PLA2G5: variants seen among roughly 807,000 people sequenced by gnomAD.
PLA2G5 encodes Ca2+-dependent phospholipase A2.
In PLA2G5, 12 loss-of-function variants were observed where a neutral mutation model predicts 15.9. The observed-to-expected ratio is 0.76, with a 90% confidence interval of 0.48 to 1.23. The LOEUF is 1.23. Among genes scored for constraint, PLA2G5 ranks in the 50% most tolerant of loss-of-function variants. PLA2G5 has a pLI of 0.00. For synonymous variants in PLA2G5, 71 were observed against 71.4 expected, an observed-to-expected ratio of 0.99 and a Z score of 0.03; for missense variants, 169 against 177.1, an observed-to-expected ratio of 0.95 and a Z score of 0.26.
chr1:20,074,890 C>G (rs948301015), intron 1 of PLA2G5, among the ~76,000 whole-genome samples: 1 of 152,246 alleles, frequency 6.6e-6, no homozygotes, highest in Non-Finnish European at 1.5e-5. Context: ...CCCCCAGCCA[C>G]TTTCCAAACC....
intron 1 of PLA2G5, among the ~76,000 whole-genome samples, chr1:20,082,936 C>G (rs2016105367): frequency 6.6e-6 from 1 of 151,994 alleles, no homozygotes; most frequent in South Asian, 2.1e-4. Flanking sequence ...ATTTCCTTAT[C>G]TGTAAAATCA....
chr1:20,073,619 A>C (rs901303693), intron 1 of PLA2G5, among the ~76,000 whole-genome samples: 1 of 152,150 alleles, frequency 6.6e-6, no homozygotes, highest in African/African-American at 2.4e-5. Flanking sequence ...GCGGTGGCTG[A>C]CACCTGTGAC....
chr1:20,070,500 T>G (rs2015306097), intron 1 of PLA2G5, 35 bp downstream of exon 1: 2 of 980,508 alleles, frequency 2.0e-6, no homozygotes, highest in South Asian at 4.8e-5. Flanking sequence ...AAATTGGGGG[T>G]TGTGGAGGGA....
chr1:20,059,184 G>T (rs905012979), intron 1 of PLA2G5, among the ~76,000 whole-genome samples: 2 of 149,756 alleles, frequency 1.3e-5, no homozygotes, highest in African/African-American at 4.9e-5. Context: ...TATAATCCCA[G>T]CACTTTGAGA....
chr1:20,044,825 G>A (rs1184402772), intron 1 of PLA2G5, among the ~76,000 whole-genome samples: 1 of 152,068 alleles, frequency 6.6e-6, no homozygotes, highest in Non-Finnish European at 1.5e-5. Flanking sequence ...AGTCTAGGGA[G>A]GAGGGGAGAG....
chr1:20,062,993 C>A (rs567273656), intron 2 of PLA2G5, among the ~76,000 whole-genome samples: 1 of 152,052 alleles, frequency 6.6e-6, no homozygotes, highest in African/African-American at 2.4e-5. Context: ...GATCCATGGA[C>A]GTGGGGAAGC....
intron 1 of PLA2G5, among the ~76,000 whole-genome samples, chr1:20,047,171 A>T (rs35544634): frequency 6.6e-6 from 1 of 152,140 alleles, no homozygotes; most frequent in Non-Finnish European, 1.5e-5. Context: ...AACTCATATA[A>T]GGGCTGATTG....
At chr1:20,080,888 G>C (rs779649225) in intron 1 of PLA2G5, among the ~76,000 whole-genome samples, 5 of 151,874 alleles carry the variant, frequency 3.3e-5, no homozygotes, top group African/African-American at 1.2e-4. Flanking sequence ...GGAGACACCT[G>C]GCCCCCTTGG....
chr1:20,089,762 C>A, intron 3 of PLA2G5, 27 bp from the exon 4 acceptor site: 6 of 1,594,338 alleles, frequency 3.8e-6, no homozygotes, highest in South Asian at 1.1e-5. Flanking sequence ...CCCTCCCACT[C>A]GGGATCTAAG....
At position 20,091,598 on chromosome 1, in the gene PLA2G5, T is replaced by A. The variant is rs1341699706; in HGVS notation, c.*906T>A. Among the ~76,000 whole-genome samples, 2 of 152,178 alleles carry A rather than the reference T, an allele frequency of 1.3e-5. No individual in the cohort carries two copies. Among genetic ancestry groups the A allele is most frequent in the African/African-American group, 2.4e-5 (1 of 41,442 alleles). On this transcript the variant is annotated 3_prime_UTR_variant, in exon 5 of 5. Transcript: ENST00000375108. ...ACCTTGATGCTGATATGGAGAATGC[T>A]GAGGTTCTAGGATTTCACACAGCAG...
chr1:20,075,871 T>A (rs1273261220), intron 1 of PLA2G5, among the ~76,000 whole-genome samples: 1 of 72,012 alleles, frequency 1.4e-5, no homozygotes, highest in Non-Finnish European at 4.2e-5. Flanking sequence ...TCTTTCTCTT[T>A]TTTTTTTTTT....
At chr1:20,069,094 G>C, upstream of PLA2G5, 1 of 467,466 alleles carries the variant, frequency 2.1e-6, no homozygotes, top group South Asian at 1.6e-5. Flanking sequence ...ACAATGATAC[G>C]CAATTTTATA....
intron 1 of PLA2G5, among the ~76,000 whole-genome samples, chr1:20,044,336 C>T (rs1378482867): frequency 6.6e-6 from 1 of 151,556 alleles, no homozygotes; most frequent in Non-Finnish European, 1.5e-5. Context: ...TATTATTGTA[C>T]ACCTTGAAGG....
chr1:20,069,651 A>C (rs2015235942), upstream of PLA2G5, among the ~76,000 whole-genome samples: 1 of 145,008 alleles, frequency 6.9e-6, no homozygotes. Flanking sequence ...ACAGAGTGAG[A>C]CCTCAGCTCA....
chr1:20,075,868 CTTTTTTTT>C (rs534879331), intron 1 of PLA2G5, among the ~76,000 whole-genome samples: 2 of 121,780 alleles, frequency 1.6e-5, no homozygotes, highest in African/African-American at 6.3e-5. Flanking sequence ...ATTTCTTTCT[CTTTTTTTT>C]TTTTTTTTTT....
chr1:20,053,570 CGG>C (rs60259205), intron 1 of PLA2G5, among the ~76,000 whole-genome samples: 29,417 of 98,234 alleles, frequency 0.3, 4,407 homozygotes, highest in Middle Eastern at 0.46. Context: ...TATTACTTTG[CGG>C]GGGGGGGGGT....
intron 1 of PLA2G5, among the ~76,000 whole-genome samples, chr1:20,078,484 T>C (rs1251974490): frequency 1.3e-5 from 2 of 152,026 alleles, no homozygotes; most frequent in Non-Finnish European, 2.9e-5. Flanking sequence ...GGGAGAGGAC[T>C]CTTCCCCATG....
At chr1:20,060,821 G>A (rs1217748125) in intron 2 of PLA2G5, among the ~76,000 whole-genome samples, 13 of 151,272 alleles carry the variant, frequency 8.6e-5, no homozygotes, top group South Asian at 2.1e-4. Flanking sequence ...AGTTTCAAGC[G>A]ATTCTCCTGC....
chr1:20,068,808 A>G (rs896504594), upstream of PLA2G5: 1 of 449,144 alleles, frequency 2.2e-6, no homozygotes, highest in Non-Finnish European at 3.7e-6. Flanking sequence ...TGCTTACAGA[A>G]TATATTTGCA....
Sources: allele counts gnomAD v4.1 joint callset (sites outside exome capture counted in the v4.1 genomes callset), GRCh38; gene constraint gnomAD v4.1.1; transcripts MANE v1.5; gene names NCBI Gene and HGNC (gene_info 2026-07-23, HGNC 2026-07-21).